NCKAP5: variants seen among roughly 807,000 people sequenced by gnomAD.
The protein encoded by NCKAP5 is nck-associated protein 5.
In NCKAP5, 92 loss-of-function variants were observed where a neutral mutation model predicts 167.0. The ratio of observed to expected loss-of-function variants is 0.55; its 90% confidence interval spans 0.47 to 0.66. The LOEUF is 0.66. Among genes scored for constraint, NCKAP5 ranks in the 30% least tolerant of loss-of-function variants. NCKAP5 has a pLI of 0.00. For synonymous variants in NCKAP5, 891 were observed against 877.4 expected (o/e 1.02, Z -0.27); for missense variants, 2,378 against 2,315.0 (o/e 1.03, Z -0.56).
rs377582875 is a variant in NCKAP5 at position 132,783,264 on chromosome 2, C to T, written c.3547G>A (p.Val1183Met). 23 of 1,613,782 alleles carry T rather than the reference C, an allele frequency of 1.4e-5. No individual in the cohort carries two copies. Among genetic ancestry groups the T allele is most frequent in the Middle Eastern group, 1.6e-4 (1 of 6,084 alleles). The change falls in exon 14 of 20, where the codon GTG becomes ATG. Residue 1183 changes from valine to methionine, a missense_variant. Physicochemically the swap from Val to Met is conservative, Grantham distance 21. Coordinates refer to ENST00000409261, the MANE Select transcript of NCKAP5 (RefSeq NM_207363.3). ...TCTGGCTTAGACTTGTTCACAGCCACGGAACTTTTGGAGGCTTCATTTAAA... is the reference window on the plus strand; with the variant it reads ...TCTGGCTTAGACTTGTTCACAGCCATGGAACTTTTGGAGGCTTCATTTAAA... ...DSLNEASKSS[V>M]AVNKSKPEDS...
intron 8 of NCKAP5, among the ~76,000 whole-genome samples, chr2:132,898,252 A>C (rs1486174166): frequency 6.6e-6 from 1 of 152,224 alleles, no homozygotes; most frequent in Non-Finnish European, 1.5e-5. Context: ...TCATCTGTTC[A>C]AGTTTTACCA....
rs369130877 is a variant in NCKAP5, at chr2:133,474,154, A to ATCTATCTATTTATC, written c.69+43303_69+43304insGATAAATAGATAGA. On this transcript the variant is annotated intron_variant, in intron 3 of 19. Transcript: ENST00000409261. ...TATCTATCTATCTATCTATCTATCT[A>ATCTATCTATTTATC]TACACACACACACACACACACACGT... Among the ~76,000 whole-genome samples the ATCTATCTATTTATC allele has an allele frequency of 9.7e-4, 131 of 135,378 alleles. 1 individual carries two copies. The highest frequency in any genetic ancestry group is 4.7e-3 in the African/African-American group (126 of 26,764). The allele number at this position is 135,378 out of a possible 152,430, so 88.8% of individuals were successfully genotyped here.
chr2:133,557,547 A>T (rs1687827743), intron 2 of NCKAP5, among the ~76,000 whole-genome samples: 2 of 152,352 alleles, frequency 1.3e-5, no homozygotes, highest in South Asian at 4.1e-4. Context: ...CCTGTTGAGG[A>T]ACTATCTCTA....
At chr2:132,880,006 G>A (rs943165492) in intron 8 of NCKAP5, among the ~76,000 whole-genome samples, 1 of 152,122 alleles carries the variant, frequency 6.6e-6, no homozygotes, top group African/African-American at 2.4e-5. Flanking sequence ...CAGCAACATG[G>A]ACAGAACTAG....
intron 4 of NCKAP5, among the ~76,000 whole-genome samples, chr2:133,284,392 T>C (rs2090034299): frequency 6.6e-6 from 1 of 152,192 alleles, no homozygotes; most frequent in Non-Finnish European, 1.5e-5. Flanking sequence ...TATAAATTAA[T>C]GACTGGCCCA....
At chr2:133,166,956 G>A (rs894170389) in intron 5 of NCKAP5, among the ~76,000 whole-genome samples, 9 of 152,136 alleles carry the variant, frequency 5.9e-5, no homozygotes, top group African/African-American at 1.9e-4. Context: ...ACCTACTAAT[G>A]TCTTAGAATT....
At chr2:132,863,018 C>T (rs1690051085) in intron 10 of NCKAP5, among the ~76,000 whole-genome samples, 1 of 151,968 alleles carries the variant, frequency 6.6e-6, no homozygotes, top group Admixed American at 6.6e-5. Context: ...GACAGGGTTT[C>T]ACCATATTGG....
intron 8 of NCKAP5, among the ~76,000 whole-genome samples, chr2:132,922,543 G>A (rs934229970): frequency 6.6e-6 from 1 of 152,134 alleles, no homozygotes; most frequent in Non-Finnish European, 1.5e-5. Flanking sequence ...TCTCTCTCTG[G>A]ACTCATCTCC....
At chr2:132,835,602 T>C (rs960046756) in intron 11 of NCKAP5, among the ~76,000 whole-genome samples, 3 of 152,054 alleles carry the variant, frequency 2.0e-5, no homozygotes, top group Admixed American at 2.0e-4. Flanking sequence ...GCTTTCTTTG[T>C]TGGGGAGGTG....
chr2:133,623,209 C>T, the NCKAP5 span, among the ~76,000 whole-genome samples: 2 of 152,172 alleles, frequency 1.3e-5, no homozygotes, highest in African/African-American at 4.8e-5. Context: ...CAGAAGATAA[C>T]ATCGGAAAAA....
At chr2:133,037,401 A>G (rs1483212959) in intron 6 of NCKAP5, among the ~76,000 whole-genome samples, 1 of 152,190 alleles carries the variant, frequency 6.6e-6, no homozygotes, top group African/African-American at 2.4e-5. Context: ...AAATTATTCT[A>G]CAGAGGTATA....
intron 4 of NCKAP5, among the ~76,000 whole-genome samples, chr2:133,219,700 G>GTT (rs34193807): frequency 1.4e-5 from 2 of 145,754 alleles, no homozygotes; most frequent in African/African-American, 5.0e-5. Context: ...ATCAGCTGGA[G>GTT]TTTTTTTTTT....
At chr2:133,440,581 G>C (rs140802873) in intron 3 of NCKAP5, among the ~76,000 whole-genome samples, 2,011 of 151,820 alleles carry the variant, frequency 0.013, 20 homozygotes, top group Non-Finnish European at 0.02. Flanking sequence ...GTGATGGCGG[G>C]CACCTGAACT....
At chr2:133,445,530 T>C (rs1413310629) in intron 3 of NCKAP5, among the ~76,000 whole-genome samples, 1 of 152,212 alleles carries the variant, frequency 6.6e-6, no homozygotes, top group African/African-American at 2.4e-5. Context: ...CTCTAAATCC[T>C]TCCCTTTACA....
At chr2:133,617,710 T>G in the NCKAP5 span, among the ~76,000 whole-genome samples, 1 of 151,608 alleles carries the variant, frequency 6.6e-6, no homozygotes, top group Non-Finnish European at 1.5e-5. Flanking sequence ...ATCAATATCA[T>G]GAAAATGGCC....
the NCKAP5 span, among the ~76,000 whole-genome samples, chr2:133,579,184 T>A: frequency 6.6e-6 from 1 of 152,222 alleles, no homozygotes; most frequent in Non-Finnish European, 1.5e-5. Context: ...ACAAGGAAAC[T>A]GAGGCACATA....
Position 133,130,049 on chromosome 2 carries a change from CCGCTTCT to C in NCKAP5, c.263_269del (p.Glu88GlyfsTer5). On this transcript the variant is annotated frameshift_variant, in exon 6 of 20. Coordinates refer to ENST00000409261, the MANE Select transcript of NCKAP5 (RefSeq NM_207363.3). LOFTEE classifies it high-confidence loss of function. ...CAGACTCTAGGGTCACCTCCTGCAA[CCGCTTCT>C]CGCTTTGAAGACGTAAGTGTCTCTC... is the stretch of plus-strand genomic sequence containing the variant. 1 of 1,611,998 alleles carries C rather than the reference CCGCTTCT, an allele frequency of 6.2e-7. No individual in the cohort carries two copies. Among genetic ancestry groups the C allele is most frequent in the Non-Finnish European group, 8.5e-7 (1 of 1,179,184 alleles).
At position 132,784,972 on chromosome 2, in the gene NCKAP5, G is replaced by A. The variant is rs10191147; in HGVS notation, c.1839C>T (p.Ser613=). The stretch of plus-strand genomic sequence containing the variant: ...CCACAAGGACATCCAGGTTCTCCAC[G>A]GACTTATCGGTGTCGGCAGCCAATG... The part of the protein sequence containing the change: ...DVSLAADTDK[S]VENLDVLVGF... The change falls in exon 14 of 20, where the codon TCC becomes TCT. Residue 613 remains serine (S), a synonymous_variant. Transcript: ENST00000409261. 0.27 allele frequency: 439,960 copies of A among 1,612,780 alleles called. 62,664 individuals carry two copies. Among genetic ancestry groups the A allele is most frequent in the East Asian group, 0.46 (20,490 of 44,846 alleles).
chr2:133,239,279 A>C (rs1174419933), intron 4 of NCKAP5, among the ~76,000 whole-genome samples: 3 of 152,186 alleles, frequency 2.0e-5, no homozygotes, highest in Admixed American at 1.3e-4. Context: ...CACTAATACA[A>C]TTTCAGTGAA....
Sources: allele counts gnomAD v4.1 joint callset (sites outside exome capture counted in the v4.1 genomes callset), GRCh38; gene constraint gnomAD v4.1.1; transcripts MANE v1.5; gene names NCBI Gene and HGNC (gene_info 2026-07-23, HGNC 2026-07-21).